PPP2R5C: variants seen among roughly 807,000 people sequenced by gnomAD.
The protein encoded by PPP2R5C is serine/threonine-protein phosphatase 2A 56 kDa regulatory subunit gamma isoform.
PPP2R5C carries 7 observed loss-of-function variants against 68.9 expected under a neutral mutation model. That is an observed-to-expected ratio of 0.10 (90% CI 0.06 to 0.19). PPP2R5C has a LOEUF of 0.19. Ranked by LOEUF, PPP2R5C falls within the 10% of genes least tolerant of loss-of-function variation. The pLI is 1.00. For missense variants in PPP2R5C, 348 were observed against 641.3 expected (o/e 0.54, Z 4.94); for synonymous variants, 210 against 222.2 (o/e 0.95, Z 0.49).
intron 9 of PPP2R5C, among the ~76,000 whole-genome samples, chr14:101,903,163 G>A (rs947608605): frequency 2.0e-5 from 3 of 152,044 alleles, no homozygotes; most frequent in Non-Finnish European, 2.9e-5. Context: ...AGTACAGGGC[G>A]TTCGTATGCC....
chr14:101,787,745 C>G (rs145259344), intron 3 of PPP2R5C, among the ~76,000 whole-genome samples: 7,396 of 131,864 alleles, frequency 0.056, 261 homozygotes, highest in Non-Finnish European at 0.08. Context: ...CCAGCCTGGG[C>G]GACAGAGCGA....
intron 1 of PPP2R5C, among the ~76,000 whole-genome samples, chr14:101,849,444 C>A (rs2042020905): frequency 6.6e-6 from 1 of 152,170 alleles, no homozygotes; most frequent in South Asian, 2.1e-4. Flanking sequence ...GAGTGACGAG[C>A]CCTTCATACG....
Position 101,898,637 on chromosome 14 carries a change from G to C in PPP2R5C, c.853-3082G>C, listed in dbSNP as rs570026057. 2.0e-5 allele frequency among the ~76,000 whole-genome samples: 3 copies of C among 152,216 alleles called. No homozygotes were observed. The East Asian group carries it at 5.8e-4, about 29-fold the overall frequency. On this transcript the variant is annotated intron_variant, in intron 8 of 13. Coordinates refer to ENST00000334743, the Ensembl canonical transcript of PPP2R5C. ...AATGTTACATGCAGGACTCTGACTT[G>C]GCACCAGCACAAAGGAGGTGCAAAC...
chr14:101,784,952 G>T (rs144851122), intron 2 of PPP2R5C, among the ~76,000 whole-genome samples: 1 of 152,148 alleles, frequency 6.6e-6, no homozygotes, highest in Non-Finnish European at 1.5e-5. Context: ...AGCTCCTTTG[G>T]CCTCTGTGGA....
chr14:101,762,169 G>A (rs1424799131), intron 1 of PPP2R5C, among the ~76,000 whole-genome samples: 1 of 151,728 alleles, frequency 6.6e-6, no homozygotes, highest in African/African-American at 2.4e-5. Context: ...GGACCTTCGT[G>A]ATGGGCCGGG....
intron 1 of PPP2R5C, among the ~76,000 whole-genome samples, chr14:101,821,806 G>A (rs73356812): frequency 0.059 from 9,015 of 151,926 alleles, 401 homozygotes; most frequent in East Asian, 0.13. Context: ...ACAGACACTC[G>A]GCCCCCGCAG....
At chr14:101,817,264 T>C (rs1595247944) in intron 1 of PPP2R5C, among the ~76,000 whole-genome samples, 1 of 152,138 alleles carries the variant, frequency 6.6e-6, no homozygotes, top group East Asian at 1.9e-4. Flanking sequence ...ATGAGAAATA[T>C]ATTTTTAAAA....
At chr14:101,872,258 C>G (rs1197020587) in intron 2 of PPP2R5C, among the ~76,000 whole-genome samples, 1 of 114,340 alleles carries the variant, frequency 8.7e-6, no homozygotes, top group African/African-American at 3.6e-5. Flanking sequence ...GGGTCTTGCT[C>G]TGTTACCCAG....
intron 2 of PPP2R5C, chr14:101,765,624 A>G (rs113573376): frequency 0.019 from 3,272 of 172,058 alleles, 125 homozygotes; most frequent in African/African-American, 0.076. Flanking sequence ...CTGGAGTGCA[A>G]TGGCACAGTC....
intron 10 of PPP2R5C, among the ~76,000 whole-genome samples, chr14:101,907,324 C>G (rs887145365): frequency 6.6e-6 from 1 of 151,982 alleles, no homozygotes; most frequent in Non-Finnish European, 1.5e-5. Flanking sequence ...GCACCCACCG[C>G]TACGCCTGGC....
At chr14:101,816,676 A>G (rs975674388) in intron 1 of PPP2R5C, among the ~76,000 whole-genome samples, 3 of 151,854 alleles carry the variant, frequency 2.0e-5, no homozygotes, top group African/African-American at 7.3e-5. Context: ...AGAATGAAGT[A>G]TTAATAAGTG....
At chr14:101,923,991 T>G (rs546858267) in intron 13 of PPP2R5C, among the ~76,000 whole-genome samples, 1 of 152,362 alleles carries the variant, frequency 6.6e-6, no homozygotes, top group South Asian at 2.1e-4. Flanking sequence ...AACTTAGTCT[T>G]TTTCAATACA....
chr14:101,851,665 T>G (rs2140514885), intron 1 of PPP2R5C, among the ~76,000 whole-genome samples: 1 of 152,210 alleles, frequency 6.6e-6, no homozygotes, highest in South Asian at 2.1e-4. Flanking sequence ...GGGGTAATGC[T>G]TATTTGGAAG....
intron 1 of PPP2R5C, among the ~76,000 whole-genome samples, chr14:101,816,677 TTAA>T (rs1271938821): frequency 6.6e-6 from 1 of 151,696 alleles, no homozygotes; most frequent in Admixed American, 6.6e-5. Context: ...GAATGAAGTA[TTAA>T]TAAGTGAAGG....
chr14:101,781,737 G>A lies in PPP2R5C; in HGVS notation c.94-4281G>A, dbSNP rs917549092. Among the ~76,000 whole-genome samples, 2 of 151,998 alleles carry A rather than the reference G, an allele frequency of 1.3e-5. No individual in the cohort carries two copies. Among genetic ancestry groups the A allele is most frequent in the East Asian group, 1.9e-4 (1 of 5,154 alleles). ...GGAGCCGGCCACCCGGGGAAGAAGC[G>A]GAGGACGCCGATCTGGCCTCCTGCG... On this transcript the variant is annotated intron_variant, in intron 2 of 14. Coordinates refer to the PPP2R5C transcript ENST00000328724. This position sits in a 1 kb window ranked among gnomAD's most constrained non-coding sequence, Gnocchi z 6.4.
intron 2 of PPP2R5C, among the ~76,000 whole-genome samples, chr14:101,857,517 A>G (rs1156730025): frequency 1.3e-5 from 2 of 152,224 alleles, no homozygotes; most frequent in East Asian, 1.9e-4. Context: ...CAATGACAGT[A>G]TGTCCTGACT....
rs370117871 is a variant in PPP2R5C, at chr14:101,774,704, T to C, written c.94-11314T>C. On this transcript the variant is annotated intron_variant, in intron 2 of 14. Transcript: ENST00000328724. ...ACTTGCCTCTTCCTTCACTCTCACT[T>C]GTAAGGCAGGCTCAGGAGGTTTGCT... Among the ~76,000 whole-genome samples, 38 of 152,202 alleles carry C rather than the reference T, an allele frequency of 2.5e-4. 1 individual carries two copies. The highest frequency in any genetic ancestry group is 7.2e-4 in the Admixed American group (11 of 15,288).
At chr14:101,875,950 G>T (rs2140836387) in intron 2 of PPP2R5C, among the ~76,000 whole-genome samples, 1 of 152,220 alleles carries the variant, frequency 6.6e-6, no homozygotes, top group South Asian at 2.1e-4. Context: ...GCACTTTGTA[G>T]TTTTTGTGTC....
intron 10 of PPP2R5C, among the ~76,000 whole-genome samples, chr14:101,909,018 A>T (rs553338325): frequency 6.6e-6 from 1 of 152,286 alleles, no homozygotes; most frequent in South Asian, 2.1e-4. Flanking sequence ...GGGCTCTTAC[A>T]GGGCTGCAGT....
Sources: gnomAD v4.1 joint callset for allele counts (sites outside exome capture counted in the v4.1 genomes callset) on GRCh38, gnomAD v4.1.1 for gene constraint, Gnocchi (gnomAD v3.1) non-coding constraint, MANE v1.5 for transcripts, NCBI Gene and HGNC (gene_info 2026-07-23, HGNC 2026-07-21) for gene names.